The following TMEM14B variants were observed in gnomAD, a reference collection of about 807,000 sequenced individuals.
TMEM14B encodes transmembrane protein 14B.
A neutral mutation model predicts 14.8 loss-of-function variants in TMEM14B; 9 were observed. The observed-to-expected ratio is 0.61, with a 90% CI of 0.37 to 1.06. The LOEUF is 1.06. TMEM14B is among the 50% of genes least tolerant of loss of function. The pLI is 0.01. For missense variants in TMEM14B, 128 were observed against 143.6 expected, an observed-to-expected ratio of 0.89 and a Z score of 0.56; for synonymous variants, 40 against 51.3, an observed-to-expected ratio of 0.78 and a Z score of 0.94.
chr6:10,752,483 G>GTC (rs1156820848), intron 4 of TMEM14B, among the ~76,000 whole-genome samples: 1 of 135,114 alleles, frequency 7.4e-6, no homozygotes, highest in African/African-American at 2.9e-5. Context: ...TTGAGACGGA[G>GTC]TCTCACTGTG....
chr6:10,753,174 C>G (rs1771658349), intron 4 of TMEM14B, among the ~76,000 whole-genome samples: 1 of 151,886 alleles, frequency 6.6e-6, no homozygotes, highest in Non-Finnish European at 1.5e-5. Context: ...AAGTGGAGGT[C>G]GCGGTGAGCC....
At chr6:10,755,482 G>A in intron 5 of TMEM14B, 1 of 1,421,372 alleles carries the variant, frequency 7.0e-7, no homozygotes. Context: ...GGTGGCAGAA[G>A]TTTTATTGCA....
intron 3 of TMEM14B, 71 bp downstream of exon 3, chr6:10,749,769 C>T (rs1328533751): frequency 2.3e-5 from 36 of 1,572,788 alleles, no homozygotes; most frequent in South Asian, 6.7e-5. Context: ...TGCCTGTGTC[C>T]CTGAGAAGCA....
chr6:10,752,586 A>T (rs1771633812), intron 4 of TMEM14B, among the ~76,000 whole-genome samples: 1 of 149,668 alleles, frequency 6.7e-6, no homozygotes, highest in Non-Finnish European at 1.5e-5. Context: ...CCTTCTAGGT[A>T]GTTGGGATTA....
Position 10,755,470 on chromosome 6 carries a change from A to G in TMEM14B, c.293+238A>G, listed in dbSNP as rs867313073. 3.5e-6 allele frequency: 5 copies of G among 1,426,806 alleles called. No individual in the cohort carries two copies. The South Asian group carries it at 6.4e-5, about 18-fold the overall frequency. 88.4% of individuals were successfully genotyped at this position (1,426,806 alleles called of 1,614,324 possible). ...TTCTCTGGTCCTAGCTCCTTCCTAT[A>G]TGGTGGCAGAAGTTTTATTGCAAAG... is the stretch of plus-strand genomic sequence containing the variant. On this transcript the variant is annotated intron_variant, in intron 5 of 5. Coordinates refer to ENST00000379542, the MANE Select transcript of TMEM14B (RefSeq NM_030969.5).
rs924179521 is a variant in TMEM14B at position 10,749,239 on chromosome 6, G to C, written c.-7G>C. The C allele has an allele frequency of 1.2e-6, 2 of 1,614,076 alleles. No homozygotes were observed. Among genetic ancestry groups the C allele is most frequent in the African/African-American group, 2.7e-5 (2 of 74,936 alleles). On this transcript the variant is annotated 5_prime_UTR_variant, in exon 2 of 6. Transcript: ENST00000379542. ...GGTAGTCTCCTTTCTGGACTGAGAA[G>C]AGAAGAATGGAGAAGCCCCTCTTCC...
chr6:10,756,480 G>A lies in TMEM14B; in HGVS notation c.307G>A (p.Ala103Thr), dbSNP rs768149512. ...TGTTTTAAACAGTTTGCTGATGGCC[G>A]CCAAAGTTGGAGTTCGTATGTTGAT... The part of the protein sequence containing the change: ...LIAGASLLMA[A>T]KVGVRMLMTS... The change falls in exon 6 of 6, where the codon GCC (alanine) becomes ACC (threonine). Residue 103 changes from alanine (A) to threonine (T), a missense_variant. By Grantham distance (58) the Ala-to-Thr change is moderately conservative. Coordinates refer to ENST00000379542, the MANE Select transcript of TMEM14B (RefSeq NM_030969.5). 1.5e-5 allele frequency: 24 copies of A among 1,613,588 alleles called. No homozygotes were observed. Among genetic ancestry groups the A allele is most frequent in the East Asian group, 1.1e-4 (5 of 44,850 alleles).
chr6:10,753,620 T>C (rs1771676931), intron 4 of TMEM14B, among the ~76,000 whole-genome samples: 1 of 151,988 alleles, frequency 6.6e-6, no homozygotes, highest in African/African-American at 2.4e-5. Context: ...TCCTCCAGGC[T>C]GGACTCTCAT....
At position 10,749,844 on chromosome 6, in the gene TMEM14B, G is replaced by A. The variant is rs765803830; in HGVS notation, c.100+146G>A. On this transcript the variant is annotated intron_variant, in intron 3 of 5. Transcript: ENST00000379542. ...GAGTGCAGGCTTCCTTGTCAGTCTT[G>A]CAGCTCCTGCCCTTGCCTTTTGCTT... The A allele has an allele frequency of 2.9e-4, 262 of 904,928 alleles. 2 individuals are homozygous for A. The highest frequency in any genetic ancestry group is 3.9e-4 in the Non-Finnish European group (216 of 555,506). The allele number at this position is 904,928 out of a possible 1,614,324, so 56.1% of individuals were successfully genotyped here.
rs775467044 is a variant in TMEM14B at position 10,751,187 on chromosome 6, G to A, written c.155G>A (p.Gly52Asp). 3.1e-6 allele frequency: 5 copies of A among 1,613,962 alleles called. No individual in the cohort carries two copies. In the South Asian group the frequency reaches 5.5e-5, roughly 18 times the overall value. ...CTCTTCGGCAGTCTAGCCGGCCTGGGTGCTTACCAGCTGTATCAGGATCCA... is the reference window on the plus strand; with the variant it reads ...CTCTTCGGCAGTCTAGCCGGCCTGGATGCTTACCAGCTGTATCAGGATCCA... ...GLLFGSLAGL[G>D]AYQLYQDPRN... The change falls in exon 4 of 6, where the codon GGT becomes GAT. Residue 52 changes from glycine to aspartate, a missense_variant. Physicochemically the swap from Gly to Asp is moderately conservative, Grantham distance 94. Coordinates refer to ENST00000379542, the MANE Select transcript of TMEM14B (RefSeq NM_030969.5).
At chr6:10,752,273 G>GT (rs909636453) in intron 4 of TMEM14B, among the ~76,000 whole-genome samples, 8 of 151,972 alleles carry the variant, frequency 5.3e-5, no homozygotes, top group Non-Finnish European at 8.8e-5. Context: ...GCCTCCCCTC[G>GT]TCCTGTTTCC....
chr6:10,758,149 G>A (rs1427469709), downstream of TMEM14B, among the ~76,000 whole-genome samples: 1 of 152,114 alleles, frequency 6.6e-6, no homozygotes, highest in Non-Finnish European at 1.5e-5. Flanking sequence ...AAGGGCTCTT[G>A]TGTTGCAGTG....
chr6:10,751,631 G>A (rs1210613684), intron 4 of TMEM14B, among the ~76,000 whole-genome samples: 2 of 152,088 alleles, frequency 1.3e-5, no homozygotes, highest in African/African-American at 4.8e-5. Context: ...TTCCGCTGAA[G>A]ACCATTGGCC....
intron 4 of TMEM14B, among the ~76,000 whole-genome samples, chr6:10,754,242 A>G (rs1043268024): frequency 6.6e-6 from 1 of 151,568 alleles, no homozygotes; most frequent in African/African-American, 2.4e-5. Context: ...TAATAATGCA[A>G]CTCTTTTTAT....
chr6:10,757,525 A>G (rs760288225), downstream of TMEM14B, among the ~76,000 whole-genome samples: 10 of 152,296 alleles, frequency 6.6e-5, no homozygotes, highest in Non-Finnish European at 1.5e-4. Flanking sequence ...TAATTAGTTC[A>G]TATATAATTG....
At chr6:10,756,411 A>G (rs1483187641) in intron 5 of TMEM14B, 56 bp from the exon 6 acceptor site, 4 of 1,598,740 alleles carry the variant, frequency 2.5e-6, no homozygotes, top group East Asian at 2.2e-5. Flanking sequence ...CCTTAAAAAC[A>G]TAGTTGCCTG....
At position 10,750,359 on chromosome 6, in the gene TMEM14B, A is replaced by G. The variant is rs184957351; in HGVS notation, c.100+661A>G. Among the ~76,000 whole-genome samples the G allele has an allele frequency of 1.1e-4, 16 of 144,084 alleles. No homozygotes were observed. In the East Asian group the frequency reaches 3.1e-3, roughly 28 times the overall value. 94.5% of individuals were successfully genotyped at this position (144,084 alleles called of 152,430 possible). ...AGTCTGTTTATTTAGCTGGGGCCTA[A>G]AAGACGGCTAACACTCAAAGTTCTC... On this transcript the variant is annotated intron_variant, in intron 3 of 5. Transcript: ENST00000379542.
rs761313973 is a variant in TMEM14B at position 10,749,687 on chromosome 6, A to G, written c.89A>G (p.Tyr30Cys). 55 of 1,614,072 alleles carry G rather than the reference A, an allele frequency of 3.4e-5. No homozygotes were observed. The East Asian group carries it at 1.2e-3, about 35-fold the overall frequency. The change falls in exon 3 of 6, where the codon TAT (tyrosine) becomes TGT (cysteine). Residue 30 changes from tyrosine (Y) to cysteine (C), a missense_variant. Coordinates refer to ENST00000379542, the MANE Select transcript of TMEM14B (RefSeq NM_030969.5). ...ALVVSGGIVGYVKTGSVPSLA... is the reference protein window; with the variant it reads ...ALVVSGGIVGCVKTGSVPSLA... The stretch of plus-strand genomic sequence containing the variant: ...GTTGTTTCTGGTGGGATCGTTGGCT[A>G]TGTAAAAACAGGTAGGGTTTTGTTG...
In TMEM14B at chr6:10,749,717, T is replaced by G. The variant is rs1229914356; in HGVS notation, c.100+19T>G. 3 of 1,613,582 alleles carry G rather than the reference T, an allele frequency of 1.9e-6. No homozygotes were observed. The highest frequency in any genetic ancestry group is 2.2e-5 in the East Asian group (1 of 44,886). Reference sequence around the variant, plus strand: ...AAAACAGGTAGGGTTTTGTTGTTACTTAGCCTCTTAACATCTTCACGTTGT... The same window carrying G: ...AAAACAGGTAGGGTTTTGTTGTTACGTAGCCTCTTAACATCTTCACGTTGT... On this transcript the variant is annotated intron_variant, in intron 3 of 5. Transcript: ENST00000379542.
Sources: gnomAD v4.1 joint callset for allele counts (sites outside exome capture counted in the v4.1 genomes callset) on GRCh38, gnomAD v4.1.1 for gene constraint, MANE v1.5 for transcripts, NCBI Gene and HGNC (gene_info 2026-07-23, HGNC 2026-07-21) for gene names.